NARS2: variants seen among roughly 807,000 people sequenced by gnomAD.
NARS2 encodes the protein asparaginyl-tRNA synthetase 2, mitochondrial, also known as asparaginyl-tRNA synthetase.
Under a neutral mutation model 62.9 loss-of-function variants are expected in NARS2, and 60 were observed. The ratio of observed to expected loss-of-function variants is 0.95; its 90% CI spans 0.77 to 1.18. The LOEUF (loss-of-function observed/expected upper bound fraction) is 1.18, where lower values mean the gene tolerates loss of function less well. Ranked by LOEUF, NARS2 falls within the 50% of genes most tolerant of loss-of-function variation. NARS2 has a pLI of 0.00. For synonymous variants in NARS2, 196 were observed against 200.0 expected (o/e 0.98, Z 0.17); for missense variants, 619 against 576.4 (o/e 1.07, Z -0.76).
At chr11:78,541,158 C>G (rs1298392309) in intron 5 of NARS2, among the ~76,000 whole-genome samples, 2 of 151,058 alleles carry the variant, frequency 1.3e-5, no homozygotes, top group African/African-American at 4.9e-5. Flanking sequence ...GAAACTCCAT[C>G]TCAAAAAAAA....
At chr11:78,443,632 A>G (rs780641762) in intron 12 of NARS2, 29 bp downstream of exon 12, 2 of 1,539,820 alleles carry the variant, frequency 1.3e-6, no homozygotes, top group Non-Finnish European at 1.8e-6. Flanking sequence ...CAATTTCTCA[A>G]TTGTGTTTCT....
At chr11:78,564,027 T>C (rs1856658198) in intron 4 of NARS2, among the ~76,000 whole-genome samples, 1 of 145,646 alleles carries the variant, frequency 6.9e-6, no homozygotes, top group South Asian at 2.2e-4. Flanking sequence ...GCCTCCCGAG[T>C]AGCTGGAACT....
Position 78,441,958 on chromosome 11 carries a change from T to C in NARS2, c.1263-841A>G, listed in dbSNP as rs547417093. Among the ~76,000 whole-genome samples, 6 of 152,282 alleles carry C rather than the reference T, an allele frequency of 3.9e-5. No homozygotes were observed. The South Asian group carries it at 1.0e-3, about 26-fold the overall frequency. On this transcript the variant is annotated intron_variant, in intron 12 of 13. Transcript: ENST00000281038. ...TTAAAAAATGTGTTTTGGACCACAG[T>C]GCATCTAATGTGACCAGGAATATGA... is the stretch of plus-strand genomic sequence containing the variant.
chr11:78,444,796 G>A (rs1474453609), intron 11 of NARS2, among the ~76,000 whole-genome samples: 2 of 150,874 alleles, frequency 1.3e-5, no homozygotes, highest in East Asian at 1.9e-4. Context: ...AAAAATATAG[G>A]AAAATAAAAT....
rs764134753 is a variant in NARS2 at position 78,566,124 on chromosome 11, G to A, written c.513+8C>T. On this transcript the variant is annotated splice_region_variant and intron_variant, in intron 4 of 13. Transcript: ENST00000281038. ...TAAAGGGTCAAGAGGGAACTTTTAG[G>A]ATCTTACCTTAAAGAAAGAATGAAT... 9 of 1,597,918 alleles carry A rather than the reference G, an allele frequency of 5.6e-6. No homozygotes were observed. The highest frequency in any genetic ancestry group is 6.0e-6 in the Non-Finnish European group (7 of 1,173,384).
chr11:78,453,446 A>G (rs1858043476), intron 11 of NARS2, among the ~76,000 whole-genome samples: 1 of 152,070 alleles, frequency 6.6e-6, no homozygotes, highest in Non-Finnish European at 1.5e-5. Flanking sequence ...TAAAACTCAG[A>G]CCCTGAATTA....
At chr11:78,479,793 G>A (rs571060736) in intron 7 of NARS2, among the ~76,000 whole-genome samples, 52 of 152,318 alleles carry the variant, frequency 3.4e-4, no homozygotes, top group African/African-American at 1.2e-3. Flanking sequence ...GAAGCATAGT[G>A]AAGGCGTAAC....
chr11:78,496,400 C>T (rs1348036451), intron 6 of NARS2, among the ~76,000 whole-genome samples: 2 of 152,186 alleles, frequency 1.3e-5, no homozygotes, highest in Non-Finnish European at 2.9e-5. Flanking sequence ...ACTCAGTCTA[C>T]GTATGTATTA....
intron 6 of NARS2, among the ~76,000 whole-genome samples, chr11:78,515,648 G>C (rs1860878976): frequency 1.3e-5 from 2 of 151,674 alleles, no homozygotes; most frequent in South Asian, 4.2e-4. Context: ...CTCTAAAGTA[G>C]CTGGGACTAC....
chr11:78,566,318 GTTTAATAAAA>G (rs1482660151), intron 3 of NARS2, 46 bp from the exon 4 acceptor site: 2 of 1,483,006 alleles, frequency 1.3e-6, no homozygotes, highest in Non-Finnish European at 1.8e-6. Context: ...AAGAGATACT[GTTTAATAAAA>G]TCAGTTTCCA....
intron 5 of NARS2, among the ~76,000 whole-genome samples, chr11:78,546,186 G>A (rs7111641): frequency 0.1 from 15,327 of 152,172 alleles, 2,513 homozygotes; most frequent in African/African-American, 0.34. Context: ...CAAGTCTGGT[G>A]CCTTAGCTGG....
chr11:78,489,865 G>C (rs945214967), intron 7 of NARS2, among the ~76,000 whole-genome samples: 1 of 151,854 alleles, frequency 6.6e-6, no homozygotes, highest in African/African-American at 2.4e-5. Flanking sequence ...GACCAGCGTG[G>C]GTAACACAGT....
intron 1 of NARS2, chr11:78,573,240 T>C (rs915817535): frequency 1.3e-5 from 2 of 152,104 alleles, no homozygotes; most frequent in Admixed American, 6.5e-5. Context: ...ACTCAAAAAA[T>C]AAGTATTTAT....
intron 10 of NARS2, among the ~76,000 whole-genome samples, chr11:78,466,672 G>A (rs1292140191): frequency 2.0e-5 from 3 of 152,028 alleles, no homozygotes; most frequent in Non-Finnish European, 4.4e-5. Context: ...CAGTAGAGAT[G>A]GGGTTTCACT....
intron 6 of NARS2, among the ~76,000 whole-genome samples, chr11:78,517,835 T>C (rs953768887): frequency 1.3e-5 from 2 of 152,244 alleles, no homozygotes; most frequent in Non-Finnish European, 2.9e-5. Context: ...TCCTCATTTA[T>C]ACCGATAGTC....
At chr11:78,552,194 G>C (rs975224578) in intron 5 of NARS2, among the ~76,000 whole-genome samples, 5 of 152,116 alleles carry the variant, frequency 3.3e-5, no homozygotes, top group Admixed American at 2.6e-4. Context: ...CTTTCTTTGT[G>C]TTCATAAGTT....
At chr11:78,564,010 T>C (rs1274713432) in intron 4 of NARS2, among the ~76,000 whole-genome samples, 4 of 149,464 alleles carry the variant, frequency 2.7e-5, no homozygotes, top group East Asian at 2.0e-4. Flanking sequence ...CAAGCAATTC[T>C]ACCTCAGCCT....
intron 6 of NARS2, among the ~76,000 whole-genome samples, chr11:78,499,035 G>A (rs1472305893): frequency 1.3e-5 from 2 of 150,064 alleles, no homozygotes; most frequent in African/African-American, 4.9e-5. Flanking sequence ...TCCTGCCTCA[G>A]CCTCCCGAGT....
At chr11:78,442,782 CTA>C (rs1454166055) in intron 12 of NARS2, among the ~76,000 whole-genome samples, 9 of 152,102 alleles carry the variant, frequency 5.9e-5, no homozygotes, top group Admixed American at 5.9e-4. Context: ...AAAACATTCT[CTA>C]TGTGTTTACA....
Sources: allele counts gnomAD v4.1 joint callset (sites outside exome capture counted in the v4.1 genomes callset), GRCh38; gene constraint gnomAD v4.1.1; transcripts MANE v1.5; gene names NCBI Gene and HGNC (gene_info 2026-07-23, HGNC 2026-07-21).